ART3: variants seen among roughly 807,000 people sequenced by gnomAD.
ART3 encodes ADP-ribosyltransferase 3 (inactive).
ART3 carries 49 observed loss-of-function variants against 48.5 expected under a neutral mutation model. The observed-to-expected ratio is 1.01, with a 90% CI of 0.80 to 1.28. The LOEUF is 1.28. Among genes scored for constraint, ART3 ranks in the 50% most tolerant of loss-of-function variants. The pLI is 0.00. For missense variants in ART3, 438 were observed against 454.3 expected (o/e 0.96, Z 0.33); for synonymous variants, 145 against 157.2 (o/e 0.92, Z 0.58).
chr4:76,040,437 TACACACACACAC>T (rs748020159), intron 1 of ART3, among the ~76,000 whole-genome samples: 5 of 88,494 alleles, frequency 5.7e-5, no homozygotes, highest in East Asian at 6.3e-4. Flanking sequence ...ATACACTGGA[TACACACACACAC>T]ACACACACAC....
intron 1 of ART3, among the ~76,000 whole-genome samples, chr4:76,046,379 A>G (rs1172386840): frequency 3.3e-5 from 5 of 152,060 alleles, no homozygotes; most frequent in African/African-American, 1.2e-4. Context: ...TGCCTCATTA[A>G]TGAGTCTAAG....
At chr4:76,083,386 C>T (rs1002874028) in intron 3 of ART3, among the ~76,000 whole-genome samples, 19 of 152,040 alleles carry the variant, frequency 1.2e-4, no homozygotes, top group Admixed American at 1.1e-3. Context: ...TATTGACTTC[C>T]TACTACAGAG....
At chr4:76,031,927 G>C (rs1733905562) in intron 1 of ART3, among the ~76,000 whole-genome samples, 1 of 152,178 alleles carries the variant, frequency 6.6e-6, no homozygotes, top group South Asian at 2.1e-4. Flanking sequence ...TCTAGTTAAA[G>C]CTGAAGTGGT....
intron 1 of ART3, among the ~76,000 whole-genome samples, chr4:76,023,097 T>A (rs919018778): frequency 6.6e-6 from 1 of 152,204 alleles, no homozygotes; most frequent in Non-Finnish European, 1.5e-5. Flanking sequence ...GTATCTCATC[T>A]CTGTCCGCAT....
In ART3 at chr4:76,097,987, C is replaced by T. The variant is rs145852479; in HGVS notation, c.814+311C>T. 4.8e-3 allele frequency among the ~76,000 whole-genome samples: 724 copies of T among 152,292 alleles called. 5 individuals are homozygous for T. Among genetic ancestry groups the T allele is most frequent in the African/African-American group, 0.017 (692 of 41,570 alleles). On this transcript the variant is annotated intron_variant, in intron 4 of 11. Transcript: ENST00000355810. ...GCCTGACCTTATAGGAGTTTAAGGA[C>T]TCCTTAATTCCCCTACATCTTCAGC...
rs529550734 is a variant in ART3 at position 76,053,207 on chromosome 4, A to G, written c.-9-22674A>G. ...TGTTCATGCTGATCACGTACAGGTT[A>G]TCTCTATCTTGTCACTGGAATTGGA... On this transcript the variant is annotated intron_variant, in intron 1 of 9. Coordinates refer to the ART3 transcript ENST00000341029. Among the ~76,000 whole-genome samples, 6 of 152,284 alleles carry G rather than the reference A, an allele frequency of 3.9e-5. No individual in the cohort carries two copies. The East Asian group carries it at 1.2e-3, about 29-fold the overall frequency.
intron 3 of ART3, among the ~76,000 whole-genome samples, chr4:76,084,877 GTTC>G (rs888205200): frequency 4.6e-5 from 7 of 152,202 alleles, no homozygotes; most frequent in Admixed American, 1.3e-4. Flanking sequence ...ATACCCAGGT[GTTC>G]TTCTTGTTGA....
intron 10 of ART3, chr4:76,105,489 T>G: frequency 7.8e-7 from 1 of 1,286,694 alleles, no homozygotes; most frequent in African/African-American, 1.5e-5. Flanking sequence ...GTAGCTGCCT[T>G]TGTTATTATC....
chr4:76,031,112 C>T (rs1733833125), intron 1 of ART3, among the ~76,000 whole-genome samples: 1 of 152,140 alleles, frequency 6.6e-6, no homozygotes, highest in Admixed American at 6.5e-5. Context: ...CTACCATGTA[C>T]ATTGATAATA....
At position 76,022,734 on chromosome 4, in the gene ART3, C is replaced by T. The variant is rs1430843773; in HGVS notation, c.-10+11414C>T. The T allele has an allele frequency of 1.9e-6, 3 of 1,613,630 alleles. No individual in the cohort carries two copies. In the African/African-American group the frequency reaches 4.0e-5, roughly 22 times the overall value. Reference sequence around the variant, plus strand: ...CAAAATTGGCTTGCAGGAATAATTTCAAGTTTTTCTAAAGACCTTGGATTA... The same window carrying T: ...CAAAATTGGCTTGCAGGAATAATTTTAAGTTTTTCTAAAGACCTTGGATTA... On this transcript the variant is annotated intron_variant, in intron 1 of 9. Coordinates refer to the ART3 transcript ENST00000341029.
intron 11 of ART3, among the ~76,000 whole-genome samples, chr4:76,108,621 C>T (rs910846554): frequency 1.3e-5 from 2 of 151,364 alleles, no homozygotes; most frequent in East Asian, 3.9e-4. Flanking sequence ...TAATGCCCCC[C>T]TGAGAACCAC....
chr4:76,105,571 TG>T lies in ART3; in HGVS notation c.1003+947del, dbSNP rs1440480843. The stretch of plus-strand genomic sequence containing the variant: ...AAAAACCTGGTAATATATTCTTTAT[TG>T]GGGGTGGAGGCACCATGGATTCTAA... On this transcript the variant is annotated intron_variant, in intron 10 of 11. Coordinates refer to ENST00000355810, the MANE Select transcript of ART3 (RefSeq NM_001130016.3). 8 of 1,288,222 alleles carry T rather than the reference TG, an allele frequency of 6.2e-6. No individual in the cohort carries two copies. In the South Asian group the frequency reaches 8.7e-5, roughly 14 times the overall value. The allele number at this position is 1,288,222 out of a possible 1,614,324, so 79.8% of individuals were successfully genotyped here.
intron 8 of ART3, among the ~76,000 whole-genome samples, chr4:76,102,893 T>C (rs1030784579): frequency 6.6e-6 from 1 of 152,116 alleles, no homozygotes. Flanking sequence ...TTGGGTTGAA[T>C]TTTTAAAAAA....
chr4:76,063,247 G>A (rs1428762382), intron 1 of ART3, among the ~76,000 whole-genome samples: 1 of 152,048 alleles, frequency 6.6e-6, no homozygotes, highest in African/African-American at 2.4e-5. Flanking sequence ...ATAGTGCTTG[G>A]CCTATAGTAG....
At chr4:76,016,436 G>C (rs892712197) in intron 1 of ART3, among the ~76,000 whole-genome samples, 30 of 152,088 alleles carry the variant, frequency 2.0e-4, no homozygotes, top group Non-Finnish European at 1.2e-4. Flanking sequence ...CTCTCTCTCT[G>C]TGCTGAGCTG....
chr4:76,041,564 A>AAG (rs1734976834), intron 1 of ART3: 1 of 152,210 alleles, frequency 6.6e-6, no homozygotes, highest in Admixed American at 6.5e-5. Flanking sequence ...AGAAAGTAAA[A>AAG]AGAAACAGAT....
intron 1 of ART3, among the ~76,000 whole-genome samples, chr4:76,069,470 A>G (rs575809378): frequency 1.4e-5 from 2 of 147,460 alleles, no homozygotes; most frequent in African/African-American, 5.0e-5. Flanking sequence ...GCTCACTGCA[A>G]CCTTCACCTT....
intron 1 of ART3, among the ~76,000 whole-genome samples, chr4:76,056,693 G>A (rs1189943354): frequency 1.3e-5 from 2 of 152,120 alleles, no homozygotes; most frequent in South Asian, 2.1e-4. Flanking sequence ...GACATCTCAC[G>A]TTGAGATTTA....
chr4:76,072,252 G>A (rs2149507766), upstream of ART3, among the ~76,000 whole-genome samples: 1 of 152,190 alleles, frequency 6.6e-6, no homozygotes, highest in African/African-American at 2.4e-5. Context: ...TTTTTTGTGA[G>A]TTATTACATT....
Sources: allele counts gnomAD v4.1 joint callset (sites outside exome capture counted in the v4.1 genomes callset), GRCh38; gene constraint gnomAD v4.1.1; transcripts MANE v1.5; gene names NCBI Gene and HGNC (gene_info 2026-07-23, HGNC 2026-07-21).